Variants in GLRA3 observed in about 807,000 individuals in gnomAD.
GLRA3 encodes the protein glycine receptor subunit alpha-3.
Under a neutral mutation model 60.4 loss-of-function variants are expected in GLRA3, and 44 were observed. The ratio of observed to expected loss-of-function variants is 0.73; its 90% CI spans 0.57 to 0.94. GLRA3 has a LOEUF of 0.94. Among genes scored for constraint, GLRA3 ranks in the 40% least tolerant of loss-of-function variants. The probability of loss-of-function intolerance (pLI) is 0.00; values close to 1 mark genes in which losing one functional copy is unlikely to be tolerated. For missense variants in GLRA3, 508 were observed against 564.6 expected, an observed-to-expected ratio of 0.90 and a Z score of 1.02; for synonymous variants, 223 against 192.9, an observed-to-expected ratio of 1.16 and a Z score of -1.29.
chr4:174,792,685 G>A (rs1739403277), intron 1 of GLRA3, among the ~76,000 whole-genome samples: 1 of 152,152 alleles, frequency 6.6e-6, no homozygotes, highest in Admixed American at 6.5e-5. Context: ...CACCTGTGAA[G>A]TTAAAAAAAT....
rs1485937 is a variant in GLRA3 at position 174,805,917 on chromosome 4, G to C, written c.72-16974C>G. On this transcript the variant is annotated intron_variant, in intron 1 of 9. Coordinates refer to ENST00000274093, the MANE Select transcript of GLRA3 (RefSeq NM_006529.4). ...CTTCAAACTTTTGTGTAATTCCAGA[G>C]AGCAATAAAAACACCCTTGATTTGA... is the stretch of plus-strand genomic sequence containing the variant. Among the ~76,000 whole-genome samples the C allele has an allele frequency of 4.5e-3, 681 of 152,190 alleles. 5 individuals are homozygous for C. Among genetic ancestry groups the C allele is most frequent in the Non-Finnish European group, 6.9e-3 (470 of 67,992 alleles).
chr4:174,698,750 TCTC>T (rs1033125975), intron 5 of GLRA3, among the ~76,000 whole-genome samples: 1 of 152,134 alleles, frequency 6.6e-6, no homozygotes, highest in African/African-American at 2.4e-5. Flanking sequence ...GTGTGCAACT[TCTC>T]CTTAAGGTGA....
At chr4:174,773,995 G>C (rs563321759) in intron 2 of GLRA3, among the ~76,000 whole-genome samples, 1 of 152,290 alleles carries the variant, frequency 6.6e-6, no homozygotes, top group South Asian at 2.1e-4. Context: ...CTGTTGTTGG[G>C]TGTTAGAACC....
At chr4:174,787,817 ACT>A (rs1739178796) in intron 2 of GLRA3, among the ~76,000 whole-genome samples, 1 of 152,054 alleles carries the variant, frequency 6.6e-6, no homozygotes. Flanking sequence ...TAAATATTAA[ACT>A]CATTTTAAAA....
rs10015191 is a variant in GLRA3, at chr4:174,642,698, G to A, written c.*1088C>T. 3 of 733,568 alleles carry A rather than the reference G, an allele frequency of 4.1e-6. No individual in the cohort carries two copies. In the African/African-American group the frequency reaches 5.7e-5, roughly 14 times the overall value. The allele number at this position is 733,568 out of a possible 1,614,324, so 45.4% of individuals were successfully genotyped here. On this transcript the variant is annotated 3_prime_UTR_variant, in exon 10 of 10. Coordinates refer to ENST00000274093, the MANE Select transcript of GLRA3 (RefSeq NM_006529.4). Reference sequence around the variant, plus strand: ...ATAGAAAAAGAGTCCTCACTTTATAGAAATGACTTACTTATATCATTTAAA... The same window carrying A: ...ATAGAAAAAGAGTCCTCACTTTATAAAAATGACTTACTTATATCATTTAAA...
At chr4:174,656,535 A>T (rs1262257247) in intron 9 of GLRA3, among the ~76,000 whole-genome samples, 1 of 152,126 alleles carries the variant, frequency 6.6e-6, no homozygotes, top group Non-Finnish European at 1.5e-5. Context: ...ATATTTAAAT[A>T]TCCTTTTATT....
intron 3 of GLRA3, among the ~76,000 whole-genome samples, chr4:174,753,345 T>G (rs548170276): frequency 5.6e-4 from 85 of 152,290 alleles, no homozygotes; most frequent in African/African-American, 1.8e-3. Flanking sequence ...CACACATCTG[T>G]CAGAGATTCA....
chr4:174,794,795 C>T (rs1314034937), intron 1 of GLRA3, among the ~76,000 whole-genome samples: 1 of 152,028 alleles, frequency 6.6e-6, no homozygotes, highest in Non-Finnish European at 1.5e-5. Context: ...TGTAAAAATT[C>T]TATTTGAAAT....
At chr4:174,700,636 C>T (rs944025488) in intron 5 of GLRA3, among the ~76,000 whole-genome samples, 15 of 152,092 alleles carry the variant, frequency 9.9e-5, no homozygotes, top group Non-Finnish European at 1.8e-4. Flanking sequence ...GAAAGCTAGG[C>T]GTCTGGCACC....
chr4:174,680,535 T>G (rs1734302314), intron 6 of GLRA3, among the ~76,000 whole-genome samples: 2 of 152,152 alleles, frequency 1.3e-5, no homozygotes, highest in Admixed American at 1.3e-4. Flanking sequence ...TGGAACAATT[T>G]CAGGAAGAAC....
At chr4:174,745,491 T>C (rs985968720) in intron 3 of GLRA3, among the ~76,000 whole-genome samples, 1 of 152,222 alleles carries the variant, frequency 6.6e-6, no homozygotes, top group Non-Finnish European at 1.5e-5. Flanking sequence ...TTAAGTATAC[T>C]TACTATGTAT....
intron 1 of GLRA3, among the ~76,000 whole-genome samples, chr4:174,821,163 A>C (rs1740726814): frequency 6.6e-6 from 1 of 152,202 alleles, no homozygotes; most frequent in Non-Finnish European, 1.5e-5. Context: ...TATTATTTTT[A>C]AAGTTATTTG....
At chr4:174,726,908 A>C (rs1337746349) in intron 4 of GLRA3, among the ~76,000 whole-genome samples, 1 of 152,210 alleles carries the variant, frequency 6.6e-6, no homozygotes, top group Non-Finnish European at 1.5e-5. Flanking sequence ...TATCTTGCAT[A>C]GACCTGGAAT....
Position 174,815,714 on chromosome 4 carries a change from C to G in GLRA3, c.71+13027G>C, listed in dbSNP as rs114228290. On this transcript the variant is annotated intron_variant, in intron 1 of 9. Transcript: ENST00000274093. Reference sequence around the variant, plus strand: ...AGTAATGGCTGGAATTGTTGGGATGCAGGGCACCAAGTCCCTAGGCTGCAC... The same window carrying G: ...AGTAATGGCTGGAATTGTTGGGATGGAGGGCACCAAGTCCCTAGGCTGCAC... Among the ~76,000 whole-genome samples the G allele has an allele frequency of 6.8e-3, 1,041 of 152,268 alleles. 9 individuals are homozygous for G. Among genetic ancestry groups the G allele is most frequent in the African/African-American group, 0.024 (1,014 of 41,560 alleles).
intron 5 of GLRA3, among the ~76,000 whole-genome samples, chr4:174,689,735 GCA>G (rs1355540530): frequency 1.8e-5 from 2 of 110,862 alleles, no homozygotes; most frequent in Non-Finnish European, 3.4e-5. Flanking sequence ...CACTTAAAAG[GCA>G]CAGAGTGGTA....
At chr4:174,759,468 G>A (rs1004143195) in intron 3 of GLRA3, among the ~76,000 whole-genome samples, 5 of 152,002 alleles carry the variant, frequency 3.3e-5, no homozygotes, top group Admixed American at 2.0e-4. Context: ...GTGATGCATC[G>A]TATTCATGGA....
intron 3 of GLRA3, among the ~76,000 whole-genome samples, chr4:174,739,762 G>A (rs1434945957): frequency 6.6e-6 from 1 of 152,046 alleles, no homozygotes; most frequent in East Asian, 1.9e-4. Flanking sequence ...AGCAAACATG[G>A]CTCATTTTTA....
intron 3 of GLRA3, among the ~76,000 whole-genome samples, chr4:174,760,526 A>T (rs980086115): frequency 2.7e-5 from 4 of 149,106 alleles, no homozygotes; most frequent in African/African-American, 9.9e-5. Flanking sequence ...ATACACAATG[A>T]TTTTTTTTTT....
At position 174,643,721 on chromosome 4, in the gene GLRA3, T is replaced by A; in HGVS notation, c.*65A>T. ...TATACCACACGCACACATATACACA[T>A]ACACACCTATGGCAGAGACACTTTC... On this transcript the variant is annotated 3_prime_UTR_variant, in exon 10 of 10. Coordinates refer to ENST00000274093, the MANE Select transcript of GLRA3 (RefSeq NM_006529.4). 1 of 1,564,396 alleles carries A rather than the reference T, an allele frequency of 6.4e-7. No individual in the cohort carries two copies. The highest frequency in any genetic ancestry group is 8.7e-7 in the Non-Finnish European group (1 of 1,155,786).
Sources: gnomAD v4.1 joint callset for allele counts (sites outside exome capture counted in the v4.1 genomes callset) on GRCh38, gnomAD v4.1.1 for gene constraint, MANE v1.5 for transcripts, NCBI Gene and HGNC (gene_info 2026-07-23, HGNC 2026-07-21) for gene names.